The following POLA1 variants were observed in gnomAD, a reference collection of about 807,000 sequenced individuals.
The protein encoded by POLA1 is DNA polymerase alpha 1, catalytic subunit.
POLA1 carries 15 observed loss-of-function variants against 124.0 expected under a neutral mutation model. The ratio of observed to expected loss-of-function variants is 0.12; its 90% CI spans 0.08 to 0.19. POLA1 has a LOEUF of 0.19. POLA1 is among the 10% of genes least tolerant of loss of function. POLA1 has a pLI of 1.00. For missense variants in POLA1, 886 were observed against 1,103.4 expected (o/e 0.80, Z 2.79); for synonymous variants, 408 against 389.4 (o/e 1.05, Z -0.56).
intron 35 of POLA1, among the ~76,000 whole-genome samples, chrX:24,897,406 G>A (rs1357536169): frequency 1.1e-5 from 1 of 93,198 alleles, no homozygotes; most frequent in Non-Finnish European, 2.1e-5. Flanking sequence ...GGATGCATCT[G>A]CTATCCCCAC....
intron 36 of POLA1, among the ~76,000 whole-genome samples, chrX:24,940,152 C>T (rs2047895299): frequency 8.9e-6 from 1 of 111,774 alleles, no homozygotes; most frequent in Non-Finnish European, 1.9e-5. Context: ...AAACATGTAA[C>T]ATCAGACCCT....
intron 20 of POLA1, among the ~76,000 whole-genome samples, chrX:24,740,876 A>G (rs771440759): frequency 8.9e-6 from 1 of 111,884 alleles, no homozygotes; most frequent in African/African-American, 3.2e-5. Context: ...CCCGTTGCTT[A>G]ACTTTTAACA....
intron 36 of POLA1, among the ~76,000 whole-genome samples, chrX:24,959,886 T>TA (rs2048150339): frequency 9.0e-6 from 1 of 111,722 alleles, no homozygotes; most frequent in Admixed American, 9.5e-5. Context: ...TATATTATTA[T>TA]ATTTCTACTG....
intron 26 of POLA1, among the ~76,000 whole-genome samples, chrX:24,780,560 A>C (rs1569307346): frequency 1.8e-5 from 2 of 111,079 alleles, no homozygotes; most frequent in African/African-American, 6.6e-5. Context: ...TGATCATGAG[A>C]TTTTTTTTGT....
At chrX:24,917,976 C>T (rs899428113) in intron 35 of POLA1, among the ~76,000 whole-genome samples, 7 of 111,242 alleles carry the variant, frequency 6.3e-5, no homozygotes, top group Admixed American at 4.8e-4. Context: ...ACCAAGGCTT[C>T]GAGAGGTTAA....
chrX:24,816,684 C>T (rs1421543841), intron 30 of POLA1, among the ~76,000 whole-genome samples: 1 of 111,899 alleles, frequency 8.9e-6, no homozygotes. Context: ...CTGATCCTGT[C>T]TACCTTCCTA....
chrX:24,924,408 T>C (rs2047661343), intron 35 of POLA1, among the ~76,000 whole-genome samples: 1 of 112,021 alleles, frequency 8.9e-6, no homozygotes, highest in South Asian at 3.7e-4. Flanking sequence ...CCCCAAAGCC[T>C]ATGGTCTTTC....
chrX:24,766,969 T>C (rs747615437), intron 26 of POLA1, among the ~76,000 whole-genome samples: 25 of 112,104 alleles, frequency 2.2e-4, no homozygotes, highest in Non-Finnish European at 4.1e-4. Context: ...GTGTTCTGTG[T>C]TTTCTGTTTG....
chrX:24,847,322 C>T (rs1181496478), intron 34 of POLA1, among the ~76,000 whole-genome samples: 1 of 112,041 alleles, frequency 8.9e-6, no homozygotes, highest in Non-Finnish European at 1.9e-5. Flanking sequence ...CCATTTGCCT[C>T]TAACGGTGGA....
intron 26 of POLA1, among the ~76,000 whole-genome samples, chrX:24,776,086 A>G (rs1401600532): frequency 2.7e-5 from 3 of 112,035 alleles, no homozygotes; most frequent in Admixed American, 1.9e-4. Context: ...AAAACAGTGT[A>G]GTTGTTGAGT....
At chrX:24,802,721 G>A (rs750351834) in intron 26 of POLA1, among the ~76,000 whole-genome samples, 1 of 112,254 alleles carries the variant, frequency 8.9e-6, no homozygotes, top group South Asian at 3.7e-4. Context: ...TTTGGGGCCA[G>A]GCGTGGTGGC....
chrX:24,746,254 G>A (rs1244049907), intron 24 of POLA1, among the ~76,000 whole-genome samples: 1 of 111,367 alleles, frequency 9.0e-6, no homozygotes, highest in Non-Finnish European at 1.9e-5. Flanking sequence ...CACAGGGCAC[G>A]GATCTGGCTG....
intron 19 of POLA1, among the ~76,000 whole-genome samples, chrX:24,738,874 A>C (rs1263525647): frequency 8.9e-6 from 1 of 112,007 alleles, no homozygotes; most frequent in Non-Finnish European, 1.9e-5. Context: ...ACTACAGATC[A>C]AAGTTGGGGC....
intron 26 of POLA1, among the ~76,000 whole-genome samples, chrX:24,757,457 T>TTTTTTTTGG (rs1932666252): frequency 1.4e-5 from 1 of 71,797 alleles, no homozygotes; most frequent in African/African-American, 4.4e-5. Flanking sequence ...TTTTTTTTTT[T>TTTTTTTTGG]GAGACAGAGT....
At chrX:24,942,870 A>AT (rs2047922324) in intron 36 of POLA1, among the ~76,000 whole-genome samples, 1 of 111,255 alleles carries the variant, frequency 9.0e-6, no homozygotes, top group Non-Finnish European at 1.9e-5. Context: ...TAATTTTTGT[A>AT]TTTTTTTGTA....
At chrX:24,822,622 C>T (rs1214774383) in intron 31 of POLA1, among the ~76,000 whole-genome samples, 1 of 112,132 alleles carries the variant, frequency 8.9e-6, no homozygotes, top group African/African-American at 3.2e-5. Context: ...TGTCTCCCCC[C>T]TAGGGTTACC....
At chrX:24,871,026 T>A (rs2046856737) in intron 34 of POLA1, among the ~76,000 whole-genome samples, 1 of 111,584 alleles carries the variant, frequency 9.0e-6, no homozygotes, top group African/African-American at 3.3e-5. Context: ...GAATAAGGTA[T>A]TTTGGGCTTT....
intron 36 of POLA1, among the ~76,000 whole-genome samples, chrX:24,939,223 A>G (rs1233030587): frequency 8.9e-6 from 1 of 112,404 alleles, no homozygotes; most frequent in African/African-American, 3.2e-5. Flanking sequence ...ATTTTTTAGT[A>G]GGAAAAATAC....
Position 24,821,517 on chromosome X carries a change from C to T in POLA1, c.3495C>T (p.Leu1165=). The change falls in exon 31 of 37, where the codon CTC becomes CTT. Residue 1165 remains leucine (L), a synonymous_variant. Transcript: ENST00000379068. Reference sequence around the variant, plus strand: ...GCCTACCTCATGTACATGTTGCCCTCTGGATAAATTCTCAAGGAGGCAGAA... The same window carrying T: ...GCCTACCTCATGTACATGTTGCCCTTTGGATAAATTCTCAAGGAGGCAGAA... ...KKSLPHVHVA[L]WINSQGGRKV... 1 of 1,201,269 alleles carries T rather than the reference C, an allele frequency of 8.3e-7. No homozygotes were observed.
Sources: allele counts gnomAD v4.1 joint callset (sites outside exome capture counted in the v4.1 genomes callset), GRCh38; gene constraint gnomAD v4.1.1; transcripts MANE v1.5; gene names NCBI Gene and HGNC (gene_info 2026-07-23, HGNC 2026-07-21).